Variants in LRRK2 observed in about 807,000 individuals in gnomAD.
The protein encoded by LRRK2 is leucine-rich repeat serine/threonine-protein kinase 2.
A neutral mutation model predicts 302.6 loss-of-function variants in LRRK2; 203 were observed. The observed-to-expected ratio is 0.67, with a 90% CI of 0.60 to 0.75. The LOEUF (loss-of-function observed/expected upper bound fraction) is 0.75, where lower values mean the gene tolerates loss of function less well. Among genes scored for constraint, LRRK2 ranks in the 30% least tolerant of loss-of-function variants. The probability of loss-of-function intolerance (pLI) is 0.00; values close to 1 mark genes in which losing one functional copy is unlikely to be tolerated. For synonymous variants in LRRK2, 1,066 were observed against 1,031.9 expected (o/e 1.03, Z -0.63); for missense variants, 2,830 against 2,951.0 (o/e 0.96, Z 0.95).
At chr12:40,328,599 T>G in intron 39 of LRRK2, 139 bp downstream of exon 39, 1 of 669,812 alleles carries the variant, frequency 1.5e-6, no homozygotes, top group African/African-American at 1.8e-5. Flanking sequence ...TAGTTTGTCT[T>G]TTCGTTGTGG....
intron 11 of LRRK2, among the ~76,000 whole-genome samples, chr12:40,253,840 C>T (rs1942385986): frequency 6.6e-6 from 1 of 152,174 alleles, no homozygotes; most frequent in East Asian, 1.9e-4. Context: ...TTCCTTTATA[C>T]ATGGTTCCTA....
At chr12:40,260,183 AAG>A (rs1245954032) in intron 13 of LRRK2, among the ~76,000 whole-genome samples, 1 of 152,056 alleles carries the variant, frequency 6.6e-6, no homozygotes, top group Admixed American at 6.6e-5. Flanking sequence ...CTTATGTTCT[AAG>A]CACTGTGATG....
At chr12:40,229,671 G>A (rs1419506483) in intron 2 of LRRK2, among the ~76,000 whole-genome samples, 1 of 152,194 alleles carries the variant, frequency 6.6e-6, no homozygotes, top group Non-Finnish European at 1.5e-5. Flanking sequence ...TTATAATAAA[G>A]TAAAACTACC....
intron 23 of LRRK2, among the ~76,000 whole-genome samples, chr12:40,297,869 A>G (rs764528861): frequency 6.6e-5 from 10 of 152,154 alleles, no homozygotes; most frequent in Non-Finnish European, 1.5e-4. Context: ...TTCTGACAGC[A>G]TTTAAAACAT....
intron 20 of LRRK2, among the ~76,000 whole-genome samples, chr12:40,290,530 G>T (rs1482341497): frequency 6.6e-6 from 1 of 151,976 alleles, no homozygotes; most frequent in Non-Finnish European, 1.5e-5. Flanking sequence ...TTAAATTTTT[G>T]TGAGGAGGAG....
In LRRK2 at chr12:40,226,731, A is replaced by C. The variant is rs530571987; in HGVS notation, c.237+1091A>C. On this transcript the variant is annotated intron_variant, in intron 2 of 50. Transcript: ENST00000298910. The stretch of plus-strand genomic sequence containing the variant: ...ACCAAGAAAAGATGGAGGCATAATA[A>C]AGATGCTGTTCTTTTAAGACTCAAA... Among the ~76,000 whole-genome samples the C allele has an allele frequency of 3.3e-5, 5 of 152,310 alleles. No individual in the cohort carries two copies. The East Asian group carries it at 9.6e-4, about 29-fold the overall frequency.
chr12:40,286,725 C>G (rs546015547), intron 19 of LRRK2: 1 of 153,156 alleles, frequency 6.5e-6, no homozygotes, highest in Non-Finnish European at 1.5e-5. Flanking sequence ...ATCTTCCTGG[C>G]TGTATGTAGA....
At chr12:40,316,496 G>T (rs1403842656) in intron 33 of LRRK2, 1 of 246,570 alleles carries the variant, frequency 4.1e-6, no homozygotes, top group East Asian at 1.8e-4. Flanking sequence ...GGAGACAGTA[G>T]TGTGACCCAG....
rs771822175 is a variant in LRRK2, at chr12:40,251,334, A to G, written c.1061A>G (p.Tyr354Cys). 6.2e-7 allele frequency: 1 copy of G among 1,614,008 alleles called. No individual in the cohort carries two copies. Among genetic ancestry groups the G allele is most frequent in the South Asian group, 1.1e-5 (1 of 91,070 alleles). Residue 354 changes from tyrosine to cysteine, a missense_variant, in exon 9 of 51, where the codon TAC (tyrosine) becomes TGC (cysteine). By Grantham distance (194) the Tyr-to-Cys change is radical. Coordinates refer to ENST00000298910, the MANE Select transcript of LRRK2 (RefSeq NM_198578.4). Reference protein sequence around the residue: ...EDKLFWLEACYKALTWHRKNK... With the variant: ...EDKLFWLEACCKALTWHRKNK... ...AAATTGTTTTGGCTGGAAGCCTGTT[A>G]CAAAGCATTAACGTGGCATAGAAAG...
chr12:40,295,700 T>A, intron 23 of LRRK2, 56 bp downstream of exon 23: 1 of 1,507,682 alleles, frequency 6.6e-7, no homozygotes, highest in East Asian at 2.3e-5. Context: ...TTTGTATTTA[T>A]ATCTAATTTG....
chr12:40,294,862 TGAA>T lies in LRRK2; in HGVS notation c.2829_2831del (p.Glu943del). The T allele has an allele frequency of 6.5e-7, 1 of 1,545,992 alleles. No individual in the cohort carries two copies. The highest frequency in any genetic ancestry group is 1.1e-5 in the South Asian group (1 of 87,378). ...TTTAATAGGGGCCCATTTTTGATCA[TGAA>T]GATTTACTGAAGCGAAAAAGAAAAA... On this transcript the variant is annotated inframe_deletion, in exon 22 of 51. Transcript: ENST00000298910.
Position 40,368,000 on chromosome 12 carries a change from G to A in LRRK2, c.*235G>A, listed in dbSNP as rs1010722716. On this transcript the variant is annotated 3_prime_UTR_variant, in exon 51 of 51. Coordinates refer to ENST00000298910, the MANE Select transcript of LRRK2 (RefSeq NM_198578.4). ...TTTCTTATAAATACCAGTTACTTTCGTTCATTAATTAATGAAAATAAATCT... is the reference window on the plus strand; with the variant it reads ...TTTCTTATAAATACCAGTTACTTTCATTCATTAATTAATGAAAATAAATCT... The A allele has an allele frequency of 4.6e-5, 12 of 261,990 alleles. No homozygotes were observed. The highest frequency in any genetic ancestry group is 7.2e-5 in the Non-Finnish European group (10 of 139,500). 16.2% of individuals were successfully genotyped at this position (261,990 alleles called of 1,614,324 possible).
chr12:40,288,111 GA>G (rs1943998837), intron 20 of LRRK2, among the ~76,000 whole-genome samples: 1 of 151,752 alleles, frequency 6.6e-6, no homozygotes, highest in Non-Finnish European at 1.5e-5. Context: ...AAAATGGAGT[GA>G]GGGGCTTTCT....
At chr12:40,350,680 A>G (rs1303311520) in intron 43 of LRRK2, among the ~76,000 whole-genome samples, 2 of 152,136 alleles carry the variant, frequency 1.3e-5, no homozygotes, top group African/African-American at 4.8e-5. Context: ...CAAATATTAC[A>G]TAATTTTTCT....
intron 7 of LRRK2, among the ~76,000 whole-genome samples, chr12:40,244,437 T>C (rs1941879791): frequency 6.6e-6 from 1 of 152,136 alleles, no homozygotes; most frequent in Non-Finnish European, 1.5e-5. Flanking sequence ...TCTTTCTTAT[T>C]TTATGCTACT....
At chr12:40,231,311 G>A (rs1035650295) in intron 2 of LRRK2, among the ~76,000 whole-genome samples, 3 of 149,976 alleles carry the variant, frequency 2.0e-5, no homozygotes, top group African/African-American at 7.4e-5. Context: ...CCAGCACTTT[G>A]AGAGGCCAAG....
At chr12:40,226,417 C>A (rs1940886551) in intron 2 of LRRK2, among the ~76,000 whole-genome samples, 1 of 152,146 alleles carries the variant, frequency 6.6e-6, no homozygotes, top group Non-Finnish European at 1.5e-5. Flanking sequence ...TTAACTCATG[C>A]AGAGAAAGAG....
chr12:40,226,963 C>T (rs752493669), intron 2 of LRRK2, among the ~76,000 whole-genome samples: 19 of 152,046 alleles, frequency 1.2e-4, no homozygotes, highest in Admixed American at 7.2e-4. Flanking sequence ...CCTGGGTAGG[C>T]GTTTTGGTCT....
intron 37 of LRRK2, 87 bp downstream of exon 37, chr12:40,322,597 C>T (rs944463308): frequency 2.5e-6 from 3 of 1,211,174 alleles, no homozygotes; most frequent in Non-Finnish European, 3.6e-6. Context: ...TATTCTTATC[C>T]ATAAGGGATG....
Sources: allele counts gnomAD v4.1 joint callset (sites outside exome capture counted in the v4.1 genomes callset), GRCh38; gene constraint gnomAD v4.1.1; transcripts MANE v1.5; gene names NCBI Gene and HGNC (gene_info 2026-07-23, HGNC 2026-07-21).